The following PCDH9 variants were observed in gnomAD, a reference collection of about 807,000 sequenced individuals.
The protein encoded by PCDH9 is protocadherin 9, also known as protocadherin-9.
Under a neutral mutation model 70.6 loss-of-function variants are expected in PCDH9, and 24 were observed. That is an observed-to-expected ratio of 0.34 (90% CI 0.25 to 0.48). The LOEUF (loss-of-function observed/expected upper bound fraction) is 0.48, where lower values mean the gene tolerates loss of function less well. PCDH9 is among the 20% of genes least tolerant of loss of function. The pLI, the probability that PCDH9 is intolerant of heterozygous loss-of-function variation, is 0.99. For synonymous variants in PCDH9, 562 were observed against 558.5 expected, an observed-to-expected ratio of 1.01 and a Z score of -0.09; for missense variants, 1,281 against 1,503.6, an observed-to-expected ratio of 0.85 and a Z score of 2.45.
chr13:67,022,653 G>A (rs1402253731), intron 2 of PCDH9, among the ~76,000 whole-genome samples: 1 of 152,184 alleles, frequency 6.6e-6, no homozygotes, highest in Non-Finnish European at 1.5e-5. Context: ...TAAGGAAACA[G>A]TATCTCGCAC....
chr13:66,561,856 G>A (rs548872799), intron 4 of PCDH9, among the ~76,000 whole-genome samples: 21 of 152,194 alleles, frequency 1.4e-4, no homozygotes, highest in African/African-American at 5.1e-4. Context: ...GTCAGCAGTG[G>A]CAACCCGCTC....
chr13:67,067,912 C>T (rs41537849), intron 2 of PCDH9, among the ~76,000 whole-genome samples: 5,692 of 152,084 alleles, frequency 0.037, 178 homozygotes, highest in South Asian at 0.11. Context: ...GTCTGGCAAA[C>T]TTAGGTCACT....
chr13:66,665,618 C>T (rs1156877299), intron 3 of PCDH9, among the ~76,000 whole-genome samples: 1 of 151,988 alleles, frequency 6.6e-6, no homozygotes, highest in Non-Finnish European at 1.5e-5. Flanking sequence ...CTTTGCTTTG[C>T]CTATGTTGTT....
At chr13:66,553,999 T>A (rs1961610603) in intron 4 of PCDH9, among the ~76,000 whole-genome samples, 1 of 152,158 alleles carries the variant, frequency 6.6e-6, no homozygotes, top group African/African-American at 2.4e-5. Flanking sequence ...AATCTTTAGT[T>A]CTAAATTGCT....
At chr13:67,188,581 A>G (rs1456036229) in intron 2 of PCDH9, among the ~76,000 whole-genome samples, 1 of 152,016 alleles carries the variant, frequency 6.6e-6, no homozygotes, top group African/African-American at 2.4e-5. Context: ...CTTTTAATGA[A>G]ATATTTGGAA....
intron 4 of PCDH9, among the ~76,000 whole-genome samples, chr13:66,497,702 A>C (rs1274709282): frequency 6.6e-6 from 1 of 152,100 alleles, no homozygotes; most frequent in Non-Finnish European, 1.5e-5. Context: ...TTGATAACCC[A>C]GGTTCAGACT....
In PCDH9 at chr13:66,851,646, G is replaced by GTTATTA. The variant is rs2081317341; in HGVS notation, c.3138+51857_3138+51858insTAATAA. 4.0e-5 allele frequency among the ~76,000 whole-genome samples: 6 copies of GTTATTA among 151,624 alleles called. No individual in the cohort carries two copies. In the South Asian group the frequency reaches 1.2e-3, roughly 31 times the overall value. ...CTCTGTGACCTTGAGCAAGTTATTAGGTTGGTGCAAAAGTTATTGCGGATT... is the reference window on the plus strand; with the variant it reads ...CTCTGTGACCTTGAGCAAGTTATTAGTTATTAGTTGGTGCAAAAGTTATTGCGGATT... On this transcript the variant is annotated intron_variant, in intron 3 of 4. Coordinates refer to ENST00000377865, the MANE Select transcript of PCDH9 (RefSeq NM_203487.3).
chr13:66,958,815 C>G (rs976393380), intron 2 of PCDH9, among the ~76,000 whole-genome samples: 2 of 152,106 alleles, frequency 1.3e-5, no homozygotes, highest in Non-Finnish European at 2.9e-5. Flanking sequence ...CAGCTAAGTA[C>G]CCACGCTAGA....
At chr13:66,983,981 C>T (rs1216609895) in intron 2 of PCDH9, among the ~76,000 whole-genome samples, 2 of 151,972 alleles carry the variant, frequency 1.3e-5, no homozygotes, top group Non-Finnish European at 2.9e-5. Flanking sequence ...AGTTCTCATC[C>T]TGAGCATTAT....
chr13:66,315,669 C>T (rs1418089974), intron 4 of PCDH9, among the ~76,000 whole-genome samples: 13 of 151,998 alleles, frequency 8.6e-5, no homozygotes, highest in East Asian at 5.8e-4. Flanking sequence ...TTAATAGTGA[C>T]GGGGTTTCTC....
chr13:66,874,355 A>G (rs575765473), intron 3 of PCDH9, among the ~76,000 whole-genome samples: 12 of 152,202 alleles, frequency 7.9e-5, no homozygotes, highest in African/African-American at 2.9e-4. Context: ...ATTGAACATC[A>G]CATGTAAGAC....
intron 3 of PCDH9, among the ~76,000 whole-genome samples, chr13:66,838,648 ATGTT>A (rs765299075): frequency 6.6e-6 from 1 of 152,040 alleles, no homozygotes; most frequent in Non-Finnish European, 1.5e-5. Flanking sequence ...ACCCATGTGA[ATGTT>A]TGCATTTTAA....
At chr13:67,092,494 C>A (rs1249050496) in intron 2 of PCDH9, among the ~76,000 whole-genome samples, 2 of 152,038 alleles carry the variant, frequency 1.3e-5, no homozygotes, top group African/African-American at 4.8e-5. Context: ...CAGGCAAAAA[C>A]CTAAGAGAGC....
At chr13:67,038,989 G>A (rs868164224) in intron 2 of PCDH9, among the ~76,000 whole-genome samples, 5 of 152,146 alleles carry the variant, frequency 3.3e-5, no homozygotes, top group African/African-American at 1.2e-4. Context: ...AAAACACCAG[G>A]GAGGAGAGGG....
intron 4 of PCDH9, among the ~76,000 whole-genome samples, chr13:66,368,715 A>C (rs925136474): frequency 3.9e-5 from 6 of 152,042 alleles, no homozygotes; most frequent in Admixed American, 2.6e-4. Context: ...AACATACCCA[A>C]GACTGGGCAA....
chr13:66,937,833 G>C (rs1314747683), intron 2 of PCDH9, among the ~76,000 whole-genome samples: 2 of 127,386 alleles, frequency 1.6e-5, no homozygotes, highest in African/African-American at 5.9e-5. Flanking sequence ...TTTTTTTTTT[G>C]TCTATAAATT....
chr13:66,493,280 A>C (rs1039515674), intron 4 of PCDH9, among the ~76,000 whole-genome samples: 3 of 152,164 alleles, frequency 2.0e-5, no homozygotes, highest in Non-Finnish European at 2.9e-5. Context: ...ACTAGCCAGC[A>C]AGTCTCTTCT....
intron 3 of PCDH9, among the ~76,000 whole-genome samples, chr13:66,712,667 T>G (rs1165248522): frequency 6.6e-6 from 1 of 152,194 alleles, no homozygotes; most frequent in African/African-American, 2.4e-5. Flanking sequence ...AATTATACTG[T>G]CAGGTGATTG....
At chr13:67,181,762 T>TAA (rs1225397571) in intron 2 of PCDH9, among the ~76,000 whole-genome samples, 1 of 150,774 alleles carries the variant, frequency 6.6e-6, no homozygotes, top group South Asian at 2.1e-4. Flanking sequence ...AATTAGGCCA[T>TAA]AAAAAAAAAC....
Sources: allele counts gnomAD v4.1 joint callset (sites outside exome capture counted in the v4.1 genomes callset), GRCh38; gene constraint gnomAD v4.1.1; transcripts MANE v1.5; gene names NCBI Gene and HGNC (gene_info 2026-07-23, HGNC 2026-07-21).